The following C5orf34 variants were observed in gnomAD, a reference collection of about 807,000 sequenced individuals.
C5orf34 encodes the protein chromosome 5 open reading frame 34, also known as uncharacterized protein C5orf34.
In C5orf34, 73 loss-of-function variants were observed where a neutral mutation model predicts 78.4. The observed-to-expected ratio is 0.93, with a 90% confidence interval of 0.77 to 1.13. The LOEUF is 1.13. C5orf34 is among the 50% of genes most tolerant of loss of function. The pLI is 0.00. For synonymous variants in C5orf34, 251 were observed against 246.6 expected (o/e 1.02, Z -0.17); for missense variants, 730 against 732.7 (o/e 1.00, Z 0.04).
At position 43,492,260 on chromosome 5, in the gene C5orf34, C is replaced by T; in HGVS notation, c.1535G>A (p.Gly512Glu). 6.2e-7 allele frequency: 1 copy of T among 1,612,234 alleles called. No individual in the cohort carries two copies. The highest frequency in any genetic ancestry group is 8.5e-7 in the Non-Finnish European group (1 of 1,179,136). Reference sequence around the variant, plus strand: ...TTCAATCTGAATTAACTGCTCTTGTCCATCAGGAAAAGTTAACTTACACCA... The same window carrying T: ...TTCAATCTGAATTAACTGCTCTTGTTCATCAGGAAAAGTTAACTTACACCA... ...LGWCKLTFPD[G>E]QEQLIQIEHP... The change falls in exon 10 of 13, where the codon GGA becomes GAA. Residue 512 changes from glycine to glutamate, a missense_variant. Transcript: ENST00000306862.
intron 11 of C5orf34, among the ~76,000 whole-genome samples, chr5:43,488,708 G>A (rs1047326670): frequency 5.9e-5 from 9 of 152,088 alleles, no homozygotes; most frequent in African/African-American, 2.2e-4. Flanking sequence ...GTATGGAGTA[G>A]AGGGCTAATA....
At chr5:43,509,859 G>A (rs577149983) in intron 1 of C5orf34, among the ~76,000 whole-genome samples, 1 of 151,942 alleles carries the variant, frequency 6.6e-6, no homozygotes, top group East Asian at 1.9e-4. Flanking sequence ...AGGTTCAAGT[G>A]ATTCTTCTGC....
At chr5:43,496,774 C>T (rs941785027) in intron 6 of C5orf34, among the ~76,000 whole-genome samples, 1 of 151,376 alleles carries the variant, frequency 6.6e-6, no homozygotes, top group Non-Finnish European at 1.5e-5. Context: ...TTTGTAGAGG[C>T]GAGGTCTTAC....
chr5:43,486,814 CG>C lies in C5orf34; in HGVS notation c.*100del, dbSNP rs957287711. The C allele has an allele frequency of 5.8e-6, 3 of 517,974 alleles. No individual in the cohort carries two copies. The African/African-American group carries it at 5.9e-5, about 10-fold the overall frequency. 32.1% of individuals were successfully genotyped at this position (517,974 alleles called of 1,614,324 possible). The stretch of plus-strand genomic sequence containing the variant: ...GTCAGTTCTTTCACAATCATTGTGC[CG>C]GGGTAATACGTACAATATCTTGGCT... On this transcript the variant is annotated 3_prime_UTR_variant, in exon 13 of 13. Coordinates refer to ENST00000306862, the MANE Select transcript of C5orf34 (RefSeq NM_198566.4).
At chr5:43,496,886 A>G (rs1011004255) in intron 6 of C5orf34, among the ~76,000 whole-genome samples, 3 of 152,180 alleles carry the variant, frequency 2.0e-5, no homozygotes, top group Non-Finnish European at 2.9e-5. Context: ...TTACATTCTA[A>G]TAACTTATTG....
At chr5:43,507,494 A>T (rs1746036930) in intron 3 of C5orf34, among the ~76,000 whole-genome samples, 1 of 152,224 alleles carries the variant, frequency 6.6e-6, no homozygotes, top group Non-Finnish European at 1.5e-5. Flanking sequence ...AGCATCAGCA[A>T]CAAGCTAGGC....
At chr5:43,487,520 A>G (rs1391432207) in intron 12 of C5orf34, among the ~76,000 whole-genome samples, 1 of 152,186 alleles carries the variant, frequency 6.6e-6, no homozygotes, top group Non-Finnish European at 1.5e-5. Context: ...TTATTTGAAT[A>G]AGATTAGAGA....
rs1475210805 is a variant in C5orf34 at position 43,486,709 on chromosome 5, A to C, written c.*206T>G. The C allele has an allele frequency of 3.2e-6, 1 of 311,554 alleles. No homozygotes were observed. Among genetic ancestry groups the C allele is most frequent in the Non-Finnish European group, 5.8e-6 (1 of 172,138 alleles). The allele number at this position is 311,554 out of a possible 1,614,324, so 19.3% of individuals were successfully genotyped here. A position where few individuals can be genotyped will look rare whatever the true frequency, so the allele number is the denominator to read the frequency against. ...AATAAGAATTAAATGTGAAACGTTC[A>C]AAACTTCGAAATATTTATTATTAAG... is the stretch of plus-strand genomic sequence containing the variant. On this transcript the variant is annotated 3_prime_UTR_variant, in exon 13 of 13. Transcript: ENST00000306862.
chr5:43,492,407 G>A, intron 9 of C5orf34, 98 bp from the exon 10 acceptor site: 1 of 791,138 alleles, frequency 1.3e-6, no homozygotes. Context: ...ATAAGTAGAG[G>A]AATCATTAAA....
At chr5:43,495,868 A>T (rs1278228740) in intron 6 of C5orf34, 5 of 1,594,874 alleles carry the variant, frequency 3.1e-6, no homozygotes, top group Non-Finnish European at 4.3e-6. Flanking sequence ...TGTTGTCACC[A>T]TTCCAACCAG....
intron 10 of C5orf34, among the ~76,000 whole-genome samples, chr5:43,491,801 C>T (rs962321064): frequency 1.3e-5 from 2 of 151,962 alleles, no homozygotes; most frequent in Non-Finnish European, 2.9e-5. Context: ...GTCGGGAGTT[C>T]AAGACAAGCC....
intron 10 of C5orf34, 134 bp downstream of exon 10, chr5:43,492,081 C>T (rs993487502): frequency 1.3e-4 from 69 of 516,716 alleles, no homozygotes; most frequent in South Asian, 2.2e-4. Flanking sequence ...AACTCTGAAA[C>T]GACTGAAATG....
At chr5:43,501,224 C>T (rs185714956) in intron 6 of C5orf34, among the ~76,000 whole-genome samples, 6 of 151,680 alleles carry the variant, frequency 4.0e-5, no homozygotes, top group Admixed American at 6.5e-5. Flanking sequence ...CTATGCATAC[C>T]TACTCTATTT....
In C5orf34 at chr5:43,507,804, C is replaced by T. The variant is rs567027348; in HGVS notation, c.285+773G>A. 1.7e-3 allele frequency among the ~76,000 whole-genome samples: 252 copies of T among 152,288 alleles called. 1 individual carries two copies. Among genetic ancestry groups the T allele is most frequent in the African/African-American group, 5.7e-3 (235 of 41,568 alleles). ...CTATAAAAAGAGGCTGCCGGCCGGG[C>T]GCGGTGGCTCACGCCTGTAATCCCA... On this transcript the variant is annotated intron_variant, in intron 3 of 12. Transcript: ENST00000306862.
At chr5:43,491,821 T>C (rs1745293268) in intron 10 of C5orf34, among the ~76,000 whole-genome samples, 3 of 151,814 alleles carry the variant, frequency 2.0e-5, no homozygotes, top group Admixed American at 2.0e-4. Context: ...CTGACCAACA[T>C]GGAGAAACCC....
chr5:43,501,514 T>A (rs1745759481), intron 6 of C5orf34, among the ~76,000 whole-genome samples: 1 of 152,224 alleles, frequency 6.6e-6, no homozygotes, highest in African/African-American at 2.4e-5. Flanking sequence ...TATACTGAAG[T>A]ATTTATGAAG....
intron 6 of C5orf34, among the ~76,000 whole-genome samples, chr5:43,499,647 T>C (rs1464391350): frequency 6.6e-6 from 1 of 152,186 alleles, no homozygotes; most frequent in Non-Finnish European, 1.5e-5. Context: ...CTTGTGCATG[T>C]GTATTACAGA....
At chr5:43,502,250 C>T (rs1031038989) in intron 6 of C5orf34, 122 bp downstream of exon 6, 7 of 930,724 alleles carry the variant, frequency 7.5e-6, no homozygotes, top group Non-Finnish European at 1.2e-5. Flanking sequence ...TATATTAATA[C>T]TCCAGACTGG....
chr5:43,505,112 G>GT (rs952567276), intron 4 of C5orf34, among the ~76,000 whole-genome samples: 4 of 152,218 alleles, frequency 2.6e-5, no homozygotes, highest in Non-Finnish European at 5.9e-5. Context: ...TAAGTGTTTT[G>GT]TAAGTGTTAG....
Sources: allele counts gnomAD v4.1 joint callset (sites outside exome capture counted in the v4.1 genomes callset), GRCh38; gene constraint gnomAD v4.1.1; transcripts MANE v1.5; gene names NCBI Gene and HGNC (gene_info 2026-07-23, HGNC 2026-07-21).